Variants in LRRTM4 observed in about 807,000 individuals in gnomAD.
LRRTM4 encodes leucine rich repeat transmembrane neuronal 4.
Under a neutral mutation model 47.6 loss-of-function variants are expected in LRRTM4, and 25 were observed. That is an observed-to-expected ratio of 0.53 (90% confidence interval 0.38 to 0.73). LRRTM4 has a LOEUF of 0.73. Ranked by LOEUF, LRRTM4 falls within the 30% of genes least tolerant of loss-of-function variation. LRRTM4 has a pLI of 0.00. For missense variants in LRRTM4, 638 were observed against 713.4 expected (o/e 0.89, Z 1.20); for synonymous variants, 311 against 269.5 (o/e 1.15, Z -1.51).
rs538020955 is a variant in LRRTM4, at chr2:77,433,503, A to G, written c.1551+84815T>C. Among the ~76,000 whole-genome samples the G allele has an allele frequency of 1.6e-4, 24 of 152,330 alleles. No individual in the cohort carries two copies. The South Asian group carries it at 4.8e-3, about 30-fold the overall frequency. ...AAAATTAACAAATCTAAAAATGACT[A>G]GATCTTTAAAAGTCAAACACTATGC... On this transcript the variant is annotated intron_variant, in intron 3 of 3. Coordinates refer to ENST00000409884, the MANE Select transcript of LRRTM4 (RefSeq NM_001134745.3).
intron 3 of LRRTM4, among the ~76,000 whole-genome samples, chr2:77,040,160 T>G (rs1053477101): frequency 2.0e-5 from 3 of 151,278 alleles, no homozygotes; most frequent in Non-Finnish European, 4.4e-5. Flanking sequence ...ATAAAACTAT[T>G]GAGATTTTCC....
intron 3 of LRRTM4, among the ~76,000 whole-genome samples, chr2:77,094,459 C>T (rs1447802217): frequency 6.6e-6 from 1 of 151,810 alleles, no homozygotes; most frequent in Non-Finnish European, 1.5e-5. Flanking sequence ...AGGAAAGACC[C>T]CACATAGCCA....
intron 3 of LRRTM4, among the ~76,000 whole-genome samples, chr2:77,207,347 GTGTA>G (rs1553409275): frequency 6.0e-5 from 5 of 83,414 alleles, no homozygotes; most frequent in Admixed American, 1.3e-4. Context: ...TTTCATATAT[GTGTA>G]TATATATATA....
At chr2:77,167,051 T>A (rs1179928494) in intron 3 of LRRTM4, among the ~76,000 whole-genome samples, 2 of 152,100 alleles carry the variant, frequency 1.3e-5, no homozygotes, top group Non-Finnish European at 2.9e-5. Flanking sequence ...TTTTACAATC[T>A]ACGCATCTGA....
intron 3 of LRRTM4, among the ~76,000 whole-genome samples, chr2:77,004,990 T>C (rs1186853372): frequency 6.6e-6 from 1 of 152,158 alleles, no homozygotes; most frequent in Non-Finnish European, 1.5e-5. Context: ...GTACCCCAGT[T>C]GTATCTAAAA....
intron 3 of LRRTM4, among the ~76,000 whole-genome samples, chr2:77,186,075 A>G (rs1376855210): frequency 2.6e-5 from 4 of 152,154 alleles, no homozygotes; most frequent in Non-Finnish European, 5.9e-5. Flanking sequence ...GAACGGATCT[A>G]ATATATTCAT....
chr2:76,905,631 C>T lies in LRRTM4; in HGVS notation c.1552-156715G>A, dbSNP rs541957355. 3.7e-5 allele frequency among the ~76,000 whole-genome samples: 5 copies of T among 135,838 alleles called. No homozygotes were observed. In the East Asian group the frequency reaches 9.7e-4, roughly 26 times the overall value. 89.1% of individuals were successfully genotyped at this position (135,838 alleles called of 152,430 possible). ...TTAGACGAATGTATAACTAGAATAA[C>T]CAATACAGAGAAGTGCTTAAAGGAG... is the stretch of plus-strand genomic sequence containing the variant. On this transcript the variant is annotated intron_variant, in intron 3 of 3. Transcript: ENST00000409884.
At chr2:77,093,541 C>T (rs1390801819) in intron 3 of LRRTM4, among the ~76,000 whole-genome samples, 3 of 151,864 alleles carry the variant, frequency 2.0e-5, no homozygotes, top group Non-Finnish European at 4.4e-5. Flanking sequence ...CCCCTAATCC[C>T]GCTTGAAGCA....
intron 3 of LRRTM4, among the ~76,000 whole-genome samples, chr2:77,194,648 G>A (rs1435283767): frequency 6.6e-6 from 1 of 151,654 alleles, no homozygotes; most frequent in Non-Finnish European, 1.5e-5. Context: ...TGCCTCCAGA[G>A]GAAAAAAAAG....
At chr2:76,965,946 G>A (rs548748070) in intron 3 of LRRTM4, among the ~76,000 whole-genome samples, 1 of 151,420 alleles carries the variant, frequency 6.6e-6, no homozygotes, top group South Asian at 2.1e-4. Context: ...GGGGTTGATT[G>A]GAGCCAGGTA....
At chr2:77,353,236 G>A (rs1302488609) in intron 3 of LRRTM4, among the ~76,000 whole-genome samples, 2 of 152,078 alleles carry the variant, frequency 1.3e-5, no homozygotes. Flanking sequence ...TAGTTCTCAA[G>A]GCTTTCTTTC....
intron 3 of LRRTM4, among the ~76,000 whole-genome samples, chr2:77,323,152 C>A (rs1670606919): frequency 1.3e-5 from 2 of 152,012 alleles, no homozygotes; most frequent in African/African-American, 4.8e-5. Context: ...GGCAGTCACC[C>A]AGACCTAATT....
intron 3 of LRRTM4, among the ~76,000 whole-genome samples, chr2:76,827,647 T>C (rs940941604): frequency 3.3e-5 from 5 of 151,904 alleles, no homozygotes; most frequent in African/African-American, 1.2e-4. Flanking sequence ...TAAAGATGTA[T>C]ATGAGGATAA....
chr2:77,114,314 T>G (rs1444640900), intron 3 of LRRTM4, among the ~76,000 whole-genome samples: 1 of 152,164 alleles, frequency 6.6e-6, no homozygotes, highest in Non-Finnish European at 1.5e-5. Flanking sequence ...AAGGACAGTG[T>G]TCTTCCACTG....
chr2:76,898,893 T>A (rs58898253), intron 3 of LRRTM4, among the ~76,000 whole-genome samples: 6,817 of 151,960 alleles, frequency 0.045, 320 homozygotes, highest in East Asian at 0.13. Flanking sequence ...AGACCATTTG[T>A]TAATTTCTGC....
intron 3 of LRRTM4, among the ~76,000 whole-genome samples, chr2:77,438,892 A>G (rs1369272981): frequency 2.0e-5 from 3 of 152,150 alleles, no homozygotes; most frequent in Admixed American, 1.3e-4. Flanking sequence ...CAATCTCAAA[A>G]CTTTCTGTAA....
intron 3 of LRRTM4, among the ~76,000 whole-genome samples, chr2:76,788,473 A>AT (rs1366979404): frequency 6.6e-6 from 1 of 152,218 alleles, no homozygotes; most frequent in East Asian, 1.9e-4. Flanking sequence ...TCGTACTAGG[A>AT]AGTCAGCAAA....
At chr2:77,030,158 C>A (rs1473663236) in intron 3 of LRRTM4, among the ~76,000 whole-genome samples, 1 of 152,292 alleles carries the variant, frequency 6.6e-6, no homozygotes. Context: ...ATAGGCCGGA[C>A]ATGGTGGCTC....
chr2:76,986,540 G>A (rs1676803137), intron 3 of LRRTM4, among the ~76,000 whole-genome samples: 1 of 151,852 alleles, frequency 6.6e-6, no homozygotes, highest in Admixed American at 6.6e-5. Flanking sequence ...TGTAACTAAT[G>A]TGGCTAATCT....
Sources: allele counts gnomAD v4.1 joint callset (sites outside exome capture counted in the v4.1 genomes callset), GRCh38; gene constraint gnomAD v4.1.1; transcripts MANE v1.5; gene names NCBI Gene and HGNC (gene_info 2026-07-23, HGNC 2026-07-21).